Variants in VPS13B observed in about 807,000 individuals in gnomAD.
The protein encoded by VPS13B is vacuolar protein sorting 13 homolog B.
A neutral mutation model predicts 426.4 loss-of-function variants in VPS13B; 285 were observed. The ratio of observed to expected loss-of-function variants is 0.67; its 90% CI spans 0.61 to 0.74. The LOEUF (loss-of-function observed/expected upper bound fraction) is 0.74. VPS13B is among the 30% of genes least tolerant of loss of function. The pLI is 0.00. For synonymous variants in VPS13B, 1,676 were observed against 1,676.4 expected (o/e 1.00, Z 0.01); for missense variants, 4,537 against 4,782.6 (o/e 0.95, Z 1.51).
At chr8:99,864,560 A>G (rs1444968097) in intron 58 of VPS13B, among the ~76,000 whole-genome samples, 2 of 152,188 alleles carry the variant, frequency 1.3e-5, no homozygotes, top group African/African-American at 2.4e-5. Context: ...TCTCAAAATA[A>G]TAATAGTAAT....
chr8:99,303,323 A>G (rs1196009824), intron 19 of VPS13B, among the ~76,000 whole-genome samples: 1 of 149,342 alleles, frequency 6.7e-6, no homozygotes, highest in Non-Finnish European at 1.5e-5. Flanking sequence ...ATTGTTTTGC[A>G]AAAGTGTTGC....
rs1490457051 is a variant in VPS13B at position 99,013,806 on chromosome 8, A to C, written c.18A>C (p.Val6=). The part of the protein sequence containing the change: MLESY[V]TPILMSYVNR... ...CTTAAAAGATGCTGGAGTCATATGT[A>C]ACTCCAATTTTAATGAGCTATGTGA... The change falls in exon 2 of 62, where the codon GTA becomes GTC. Residue 6 remains valine (V), a synonymous_variant. Transcript: ENST00000357162. 1.2e-6 allele frequency: 2 copies of C among 1,614,108 alleles called. No individual in the cohort carries two copies. Among genetic ancestry groups the C allele is most frequent in the African/African-American group, 2.7e-5 (2 of 74,930 alleles).
In VPS13B at chr8:99,853,493, G is replaced by A. The variant is rs752625401; in HGVS notation, c.10104G>A (p.Gln3368=). 6.2e-7 allele frequency: 1 copy of A among 1,614,210 alleles called. No individual in the cohort carries two copies. Among genetic ancestry groups the A allele is most frequent in the Non-Finnish European group, 8.5e-7 (1 of 1,180,050 alleles). The change falls in exon 56 of 62, where the codon CAG becomes CAA. Residue 3368 remains glutamine (Q), a synonymous_variant. Transcript: ENST00000357162. ...KIVTFKMFIT[Q]LSLAVFDDLT... is the part of the protein sequence containing the mutation. ...TTACATTTAAAATGTTCATCACTCA[G>A]TTAAGCCTGGCAGTGTTTGATGACC...
chr8:99,065,929 G>A (rs945428264), intron 3 of VPS13B, among the ~76,000 whole-genome samples: 6 of 152,104 alleles, frequency 3.9e-5, no homozygotes, highest in African/African-American at 1.4e-4. Context: ...AAATACCTAG[G>A]AATCCAACTT....
chr8:99,060,001 G>T (rs569037641), intron 3 of VPS13B, among the ~76,000 whole-genome samples: 7 of 152,114 alleles, frequency 4.6e-5, no homozygotes, highest in East Asian at 1.9e-4. Flanking sequence ...CTCCCAAAGT[G>T]CTGGGATTAT....
Position 99,832,428 on chromosome 8 carries a change from T to TATGAAA in VPS13B, c.9391_9396dup (p.Met3131_Lys3132dup), listed in dbSNP as rs747778859. ...TTTGCCCAGGTGGAGAGCAGCCTGCTATGAAATCCAGCTCCCTTCCTTGCT... is the reference window on the plus strand; with the variant it reads ...TTTGCCCAGGTGGAGAGCAGCCTGCTATGAAAATGAAATCCAGCTCCCTTCCTTGCT... On this transcript the variant is annotated inframe_insertion, in exon 52 of 62. Transcript: ENST00000357162. 4 of 1,589,978 alleles carry TATGAAA rather than the reference T, an allele frequency of 2.5e-6. No individual in the cohort carries two copies. In the African/African-American group the frequency reaches 5.5e-5, roughly 22 times the overall value.
At position 99,147,886 on chromosome 8, in the gene VPS13B, C is replaced by G. The variant is rs1051551311; in HGVS notation, c.1889C>G (p.Ala630Gly). 1 of 1,607,790 alleles carries G rather than the reference C, an allele frequency of 6.2e-7. No homozygotes were observed. Among genetic ancestry groups the G allele is most frequent in the African/African-American group, 1.3e-5 (1 of 74,756 alleles). Reference sequence around the variant, plus strand: ...ACAATACTGAATCCTGAAGAGGTGGCTCTTCTGGAGGAATATATTCCTACT... The same window carrying G: ...ACAATACTGAATCCTGAAGAGGTGGGTCTTCTGGAGGAATATATTCCTACT... ...NETILNPEEV[A>G]LLEEYIPTRH... is the part of the protein sequence containing the mutation. The change falls in exon 14 of 62, where the codon GCT (alanine) becomes GGT (glycine). Residue 630 changes from alanine (A) to glycine (G), a missense_variant. By Grantham distance (60) the Ala-to-Gly change is moderately conservative. This residue lies in a region of VPS13B where 4,311 missense variants were observed against 4,474.3 expected (regional missense o/e 0.96). Transcript: ENST00000357162.
chr8:99,606,502 AAAAAAAAAAAAAG>A (rs915653857), intron 33 of VPS13B, among the ~76,000 whole-genome samples: 3 of 149,180 alleles, frequency 2.0e-5, no homozygotes, highest in African/African-American at 7.6e-5. Context: ...CAGTTTCAAA[AAAAAAAAAAAAAG>A]AAAAAAGAAA....
Position 99,013,859 on chromosome 8 carries a change from C to T in VPS13B, c.71C>T (p.Ser24Leu). The T allele has an allele frequency of 6.2e-7, 1 of 1,614,114 alleles. No individual in the cohort carries two copies. Among genetic ancestry groups the T allele is most frequent in the East Asian group, 2.2e-5 (1 of 44,874 alleles). ...CGCTACATCAAGAACTTAAAGCCGT[C>T]GGATCTACAGCTTTCACTATGGGGT... ...VNRYIKNLKP[S>L]DLQLSLWGGD... Residue 24 changes from serine to leucine, a missense_variant, in exon 2 of 62, where the codon TCG (serine) becomes TTG (leucine). By Grantham distance (145) the Ser-to-Leu change is moderately radical (BLOSUM62 -2). Coordinates refer to ENST00000357162, the MANE Select transcript of VPS13B (RefSeq NM_152564.5).
intron 39 of VPS13B, among the ~76,000 whole-genome samples, chr8:99,730,209 T>C (rs1833535723): frequency 6.6e-6 from 1 of 152,204 alleles, no homozygotes; most frequent in South Asian, 2.1e-4. Context: ...CCATCATCTT[T>C]AGGAGGGATG....
chr8:99,746,753 A>G (rs1796652863), intron 39 of VPS13B, among the ~76,000 whole-genome samples: 1 of 152,122 alleles, frequency 6.6e-6, no homozygotes, highest in African/African-American at 2.4e-5. Context: ...TGAGTAAACT[A>G]GATTAAAAGT....
intron 3 of VPS13B, among the ~76,000 whole-genome samples, chr8:99,044,084 CT>C (rs5893476): frequency 5.7e-4 from 56 of 98,930 alleles, no homozygotes; most frequent in African/African-American, 1.9e-3. Context: ...TTCTTTCTTT[CT>C]TTTTTTTTTT....
intron 17 of VPS13B, among the ~76,000 whole-genome samples, chr8:99,194,025 T>A (rs2132731465): frequency 6.6e-6 from 1 of 152,342 alleles, no homozygotes; most frequent in South Asian, 2.1e-4. Flanking sequence ...ACGATATTTT[T>A]AATAATTTTG....
intron 25 of VPS13B, 23 bp from the exon 26 acceptor site, chr8:99,501,664 A>AT (rs747966427): frequency 1.3e-4 from 215 of 1,601,568 alleles, no homozygotes; most frequent in South Asian, 1.9e-4. Flanking sequence ...ACAAAGTAAG[A>AT]TTTTTTTTTC....
At position 99,377,819 on chromosome 8, in the gene VPS13B, T is replaced by A. The variant is rs867041350; in HGVS notation, c.2825-6389T>A. Among the ~76,000 whole-genome samples, 40 of 152,102 alleles carry A rather than the reference T, an allele frequency of 2.6e-4. 1 individual carries two copies. The highest frequency in any genetic ancestry group is 6.6e-5 in the Admixed American group (1 of 15,266). ...AGCAATTTTCAAAGGGGAGGGAGTG[T>A]ATGAATAGGGTGTGGGTCACAGAGA... is the stretch of plus-strand genomic sequence containing the variant. On this transcript the variant is annotated intron_variant, in intron 19 of 61. Transcript: ENST00000357162.
chr8:99,347,269 C>T (rs1366851661), intron 19 of VPS13B: 1 of 151,856 alleles, frequency 6.6e-6, no homozygotes, highest in East Asian at 1.9e-4. Flanking sequence ...GGCCATCCCT[C>T]CTTCTCCACC....
chr8:99,067,410 G>A (rs941696450), intron 3 of VPS13B, among the ~76,000 whole-genome samples: 13 of 152,210 alleles, frequency 8.5e-5, no homozygotes, highest in East Asian at 1.9e-4. Context: ...ACCAAACACC[G>A]CATGATCTCA....
intron 17 of VPS13B, among the ~76,000 whole-genome samples, chr8:99,214,719 G>T (rs2132809392): frequency 6.6e-6 from 1 of 152,086 alleles, no homozygotes; most frequent in Middle Eastern, 3.4e-3. Flanking sequence ...CTTTACTTCT[G>T]TCACACTAAG....
chr8:99,497,312 ATATG>A (rs1820976237), intron 25 of VPS13B, among the ~76,000 whole-genome samples: 1 of 145,448 alleles, frequency 6.9e-6, no homozygotes, highest in Admixed American at 7.0e-5. Context: ...ACATAAAATA[ATATG>A]TATATATTTA....
Sources: gnomAD v4.1 joint callset for allele counts (sites outside exome capture counted in the v4.1 genomes callset) on GRCh38, gnomAD v4.1.1 for gene constraint, gnomAD v4.1.1 regional missense constraint, MANE v1.5 for transcripts, NCBI Gene and HGNC (gene_info 2026-07-23, HGNC 2026-07-21) for gene names.